VCL: variants seen among roughly 807,000 people sequenced by gnomAD.
The protein encoded by VCL is epididymis luminal protein 114.
VCL carries 47 observed loss-of-function variants against 125.7 expected under a neutral mutation model. That is an observed-to-expected ratio of 0.37 (90% CI 0.30 to 0.48). The LOEUF is 0.48. Ranked by LOEUF, VCL falls within the 20% of genes least tolerant of loss-of-function variation. VCL has a pLI of 0.99. For synonymous variants in VCL, 458 were observed against 514.6 expected (o/e 0.89, Z 1.49); for missense variants, 1,069 against 1,455.5 (o/e 0.73, Z 4.32).
intron 2 of VCL, among the ~76,000 whole-genome samples, chr10:74,052,126 G>A (rs893197206): frequency 5.3e-5 from 8 of 152,170 alleles, no homozygotes; most frequent in African/African-American, 1.7e-4. Flanking sequence ...GGGTGTTGCC[G>A]TGGCAATGGT....
chr10:74,086,758 C>T (rs1839781863), intron 8 of VCL, among the ~76,000 whole-genome samples: 1 of 152,224 alleles, frequency 6.6e-6, no homozygotes, highest in Admixed American at 6.5e-5. Context: ...CACAGTGGAG[C>T]CTGCAATATC....
At chr10:74,032,240 T>TAAAAA (rs770412004) in intron 1 of VCL, among the ~76,000 whole-genome samples, 27 of 75,616 alleles carry the variant, frequency 3.6e-4, no homozygotes, top group East Asian at 7.0e-4. Flanking sequence ...TGTTTCAGAA[T>TAAAAA]AAAAAAAAAA....
At chr10:74,006,150 T>C (rs564131441) in intron 1 of VCL, among the ~76,000 whole-genome samples, 1 of 152,330 alleles carries the variant, frequency 6.6e-6, no homozygotes, top group African/African-American at 2.4e-5. Context: ...CCTCCCAAAG[T>C]GCTGGGATTA....
At chr10:74,115,030 T>TTTCCCCTCCTGAGACA in intron 21 of VCL, 131 bp downstream of exon 21, 1 of 926,540 alleles carries the variant, frequency 1.1e-6, no homozygotes, top group Non-Finnish European at 1.7e-6. Context: ...GCACTCAGAC[T>TTTCCCCTCCTGAGACA]GTCTCAGGAG....
At chr10:74,002,889 A>G (rs1216613414) in intron 1 of VCL, among the ~76,000 whole-genome samples, 1 of 151,406 alleles carries the variant, frequency 6.6e-6, no homozygotes, top group Non-Finnish European at 1.5e-5. Context: ...TCAAAAAAAA[A>G]AAAAAAAAGA....
intron 2 of VCL, among the ~76,000 whole-genome samples, chr10:74,043,915 C>T (rs2136249488): frequency 6.6e-6 from 1 of 151,818 alleles, no homozygotes; most frequent in Middle Eastern, 3.4e-3. Flanking sequence ...CGAGACCATC[C>T]TGGCTAACAT....
At position 74,032,009 on chromosome 10, in the gene VCL, A is replaced by T. The variant is rs546675508; in HGVS notation, c.169-11074A>T. ...AACCTGGGAGGCAGAGGTTGCAGTG[A>T]ACCAAGATCACGCCATTGCACTCCA... is the stretch of plus-strand genomic sequence containing the variant. On this transcript the variant is annotated intron_variant, in intron 1 of 21. Transcript: ENST00000211998. 2.7e-5 allele frequency among the ~76,000 whole-genome samples: 4 copies of T among 148,168 alleles called. No homozygotes were observed. The East Asian group carries it at 8.0e-4, about 30-fold the overall frequency.
intron 8 of VCL, among the ~76,000 whole-genome samples, chr10:74,087,840 G>A (rs1839813076): frequency 6.6e-6 from 1 of 152,002 alleles, no homozygotes; most frequent in South Asian, 2.1e-4. Context: ...GCCAGGCATG[G>A]TGGCACATGC....
intron 1 of VCL, chr10:74,027,998 T>A (rs547696984): frequency 2.0e-5 from 3 of 152,316 alleles, no homozygotes; most frequent in African/African-American, 7.2e-5. Flanking sequence ...TCCAGTGATG[T>A]TTTCCTCTTT....
At chr10:74,021,730 G>A (rs1840670981) in intron 1 of VCL, among the ~76,000 whole-genome samples, 1 of 152,174 alleles carries the variant, frequency 6.6e-6, no homozygotes, top group African/African-American at 2.4e-5. Context: ...ATACTATAAT[G>A]ATAGCACTAG....
intron 14 of VCL, 34 bp downstream of exon 14, chr10:74,101,131 G>A: frequency 6.2e-7 from 1 of 1,605,494 alleles, no homozygotes; most frequent in Non-Finnish European, 8.5e-7. Context: ...ACAGTGTTCA[G>A]TAAAGAAAGT....
intron 1 of VCL, among the ~76,000 whole-genome samples, chr10:74,000,052 T>G (rs1250738503): frequency 6.6e-6 from 1 of 151,924 alleles, no homozygotes; most frequent in Non-Finnish European, 1.5e-5. Context: ...TAGTGTAGTC[T>G]AGGGGTTGAT....
chr10:74,044,651 T>A (rs1841161295), intron 2 of VCL, among the ~76,000 whole-genome samples: 1 of 152,174 alleles, frequency 6.6e-6, no homozygotes, highest in South Asian at 2.1e-4. Context: ...GATAAGCAGT[T>A]CCACTGTCGG....
At chr10:74,024,789 C>G (rs1252497999) in intron 1 of VCL, among the ~76,000 whole-genome samples, 2 of 152,178 alleles carry the variant, frequency 1.3e-5, no homozygotes, top group Non-Finnish European at 2.9e-5. Context: ...GGAGCTGAAG[C>G]CCTAGTTAAG....
At chr10:74,055,877 A>C (rs1841381807) in intron 2 of VCL, among the ~76,000 whole-genome samples, 1 of 152,202 alleles carries the variant, frequency 6.6e-6, no homozygotes, top group Non-Finnish European at 1.5e-5. Context: ...GCTAGATTTG[A>C]CAAGAGAATA....
intron 1 of VCL, among the ~76,000 whole-genome samples, chr10:73,998,745 C>T (rs1591642143): frequency 1.3e-5 from 2 of 152,332 alleles, no homozygotes; most frequent in East Asian, 3.9e-4. Context: ...GCAGGCTTCG[C>T]CCCCACGTTG....
At chr10:73,999,206 C>T (rs1185445960) in intron 1 of VCL, among the ~76,000 whole-genome samples, 1 of 152,224 alleles carries the variant, frequency 6.6e-6, no homozygotes, top group Non-Finnish European at 1.5e-5. Flanking sequence ...CTTGGCCCCT[C>T]CTCCTGGCAG....
At chr10:74,020,880 A>G (rs1840651224) in intron 1 of VCL, among the ~76,000 whole-genome samples, 3 of 150,866 alleles carry the variant, frequency 2.0e-5, no homozygotes, top group African/African-American at 7.3e-5. Context: ...GAGATAAAAC[A>G]GTAGGGTAAT....
At chr10:74,117,089 C>T (rs746592505) in intron 21 of VCL, among the ~76,000 whole-genome samples, 1 of 152,138 alleles carries the variant, frequency 6.6e-6, no homozygotes, top group Non-Finnish European at 1.5e-5. Context: ...GAAAGATTAA[C>T]GTATTTAGAT....
Sources: gnomAD v4.1 joint callset for allele counts (sites outside exome capture counted in the v4.1 genomes callset) on GRCh38, gnomAD v4.1.1 for gene constraint, MANE v1.5 for transcripts, NCBI Gene and HGNC (gene_info 2026-07-23, HGNC 2026-07-21) for gene names.